Variants in TTC12 observed in about 807,000 individuals in gnomAD.
TTC12 encodes tetratricopeptide repeat protein 12.
A neutral mutation model predicts 90.1 loss-of-function variants in TTC12; 70 were observed. The observed-to-expected ratio is 0.78, with a 90% CI of 0.64 to 0.95. The LOEUF is 0.95. Ranked by LOEUF, TTC12 falls within the 40% of genes least tolerant of loss-of-function variation. The probability of loss-of-function intolerance (pLI) is 0.00; values close to 1 mark genes in which losing one functional copy is unlikely to be tolerated. For synonymous variants in TTC12, 296 were observed against 311.5 expected (o/e 0.95, Z 0.53); for missense variants, 819 against 846.1 (o/e 0.97, Z 0.40).
At chr11:113,365,110 G>C in intron 21 of TTC12, 50 bp downstream of exon 21, 1 of 1,550,760 alleles carries the variant, frequency 6.4e-7, no homozygotes, top group Non-Finnish European at 8.9e-7. Flanking sequence ...AAGAGCAGCT[G>C]AGCTGAGGTG....
intron 12 of TTC12, 74 bp downstream of exon 12, chr11:113,341,999 C>T (rs1948713695): frequency 1.5e-6 from 2 of 1,310,142 alleles, no homozygotes; most frequent in South Asian, 1.2e-5. Context: ...GTGGACTGTC[C>T]TCCCCAAAGG....
chr11:113,355,047 T>G (rs1322025935), intron 16 of TTC12, among the ~76,000 whole-genome samples: 1 of 152,216 alleles, frequency 6.6e-6, no homozygotes, highest in Non-Finnish European at 1.5e-5. Context: ...ACTTCTTCTT[T>G]GTACATCTGG....
chr11:113,316,344 T>G, intron 2 of TTC12, 29 bp downstream of exon 2: 1 of 1,232,864 alleles, frequency 8.1e-7, no homozygotes, highest in South Asian at 2.2e-5. Context: ...TAAATTAATT[T>G]CTGCTTTAGA....
chr11:113,356,617 G>T (rs782066413), intron 16 of TTC12, among the ~76,000 whole-genome samples: 2 of 152,180 alleles, frequency 1.3e-5, no homozygotes, highest in Non-Finnish European at 2.9e-5. Flanking sequence ...TTCTTCAGGA[G>T]CTCTGGTATG....
Position 113,343,544 on chromosome 11 carries a change from G to A in TTC12, c.986-728G>A, listed in dbSNP as rs146217493. Among the ~76,000 whole-genome samples the A allele has an allele frequency of 2.0e-5, 3 of 152,288 alleles. No individual in the cohort carries two copies. In the East Asian group the frequency reaches 5.8e-4, roughly 29 times the overall value. ...TGGTGTGTGTCTTCTACTGGATGCC[G>A]TGTGCTGTGTGTAAATGGGTAATCA... is the stretch of plus-strand genomic sequence containing the variant. On this transcript the variant is annotated intron_variant, in intron 12 of 21. Coordinates refer to ENST00000529221, the MANE Select transcript of TTC12 (RefSeq NM_017868.4).
At chr11:113,351,350 G>A in intron 15 of TTC12, 51 bp downstream of exon 15, 1 of 1,452,712 alleles carries the variant, frequency 6.9e-7, no homozygotes. Flanking sequence ...TCAGGAGCGT[G>A]AATGGGGCTG....
chr11:113,353,082 G>A (rs536909083), intron 16 of TTC12, among the ~76,000 whole-genome samples: 16 of 152,256 alleles, frequency 1.1e-4, no homozygotes, highest in African/African-American at 3.1e-4. Flanking sequence ...TTCACACTCC[G>A]ACCAACAGTG....
intron 16 of TTC12, among the ~76,000 whole-genome samples, chr11:113,355,846 G>A (rs949146100): frequency 6.6e-5 from 10 of 152,100 alleles, no homozygotes; most frequent in African/African-American, 2.4e-4. Flanking sequence ...ATTTGCTAAG[G>A]ACTATTTTAC....
At chr11:113,330,773 T>C (rs1555142384) in intron 7 of TTC12, among the ~76,000 whole-genome samples, 1 of 152,236 alleles carries the variant, frequency 6.6e-6, no homozygotes, top group African/African-American at 2.4e-5. Context: ...AAATTTCTTT[T>C]AAGATGTGTG....
rs1555149500 is a variant in TTC12 at position 113,350,072 on chromosome 11, G to A, written c.1155-1G>A. The A allele has an allele frequency of 6.2e-7, 1 of 1,613,278 alleles. No homozygotes were observed. ...TCTGAGGTTATTATGGTTTTTTGCAGATTATTGGAAGCGCTGGTGTCATTT... is the reference window on the plus strand; with the variant it reads ...TCTGAGGTTATTATGGTTTTTTGCAAATTATTGGAAGCGCTGGTGTCATTT... On this transcript the variant is annotated splice_acceptor_variant, in intron 13 of 21. Coordinates refer to ENST00000529221, the MANE Select transcript of TTC12 (RefSeq NM_017868.4). LOFTEE classifies it high-confidence loss of function.
rs570003721 is a variant in TTC12 at position 113,365,310 on chromosome 11, C to T, written c.2042+250C>T. On this transcript the variant is annotated intron_variant, in intron 21 of 21. Transcript: ENST00000529221. ...GACAGGGACGTGCTGCTCCCACTTGCTGCCGTTGCCTTCTCTCCATTCCAT... is the reference window on the plus strand; with the variant it reads ...GACAGGGACGTGCTGCTCCCACTTGTTGCCGTTGCCTTCTCTCCATTCCAT... Among the ~76,000 whole-genome samples the T allele has an allele frequency of 1.6e-4, 24 of 152,262 alleles. 2 individuals carry two copies. The South Asian group carries it at 5.0e-3, about 32-fold the overall frequency.
chr11:113,362,895 A>T (rs968993915), intron 19 of TTC12, among the ~76,000 whole-genome samples: 9 of 152,054 alleles, frequency 5.9e-5, no homozygotes, highest in African/African-American at 2.2e-4. Context: ...GTTGGATGGA[A>T]CTCCATCTAT....
intron 6 of TTC12, among the ~76,000 whole-genome samples, chr11:113,327,815 GAAA>G (rs1425987396): frequency 6.6e-6 from 1 of 152,176 alleles, no homozygotes; most frequent in East Asian, 1.9e-4. Context: ...AGACCCTGGA[GAAA>G]AGGATGATGC....
intron 7 of TTC12, among the ~76,000 whole-genome samples, chr11:113,332,409 A>G (rs2137962079): frequency 1.3e-5 from 2 of 152,322 alleles, no homozygotes; most frequent in Middle Eastern, 6.8e-3. Context: ...CAAGGCTTTA[A>G]TGCTTGGGGC....
chr11:113,340,687 A>G lies in TTC12; in HGVS notation c.850A>G (p.Met284Val). The G allele has an allele frequency of 6.2e-7, 1 of 1,614,138 alleles. No homozygotes were observed. The highest frequency in any genetic ancestry group is 8.5e-7 in the Non-Finnish European group (1 of 1,179,970). Residue 284 changes from methionine (M) to valine (V), a missense_variant, in exon 11 of 22, where the codon ATG becomes GTG. Met to Val is a conservative substitution (Grantham distance 21, BLOSUM62 1). Coordinates refer to ENST00000529221, the MANE Select transcript of TTC12 (RefSeq NM_017868.4). ...AGGCACAGAACAAACTTTATTCAGA[A>G]TGCACAATGGATTTAGTATCATCAG... ...NECTEQTLFRMHNGFSIISDN... is the reference protein window; with the variant it reads ...NECTEQTLFRVHNGFSIISDN...
intron 17 of TTC12, among the ~76,000 whole-genome samples, 183 bp from the exon 18 acceptor site, chr11:113,359,757 A>C (rs1338791992): frequency 6.6e-6 from 1 of 152,228 alleles, no homozygotes; most frequent in Non-Finnish European, 1.5e-5. Context: ...TATCAGGGTA[A>C]TGCCCTGGAG....
At chr11:113,325,483 T>A in intron 5 of TTC12, 41 bp from the exon 6 acceptor site, 1 of 1,605,756 alleles carries the variant, frequency 6.2e-7, no homozygotes. Context: ...GATTTTCTGA[T>A]GTGTGGTGAG....
chr11:113,355,341 TTC>T (rs1428086555), intron 16 of TTC12, among the ~76,000 whole-genome samples: 87 of 152,260 alleles, frequency 5.7e-4, no homozygotes, highest in African/African-American at 2.0e-3. Context: ...TATTTGCATA[TTC>T]TCTCTTTCCT....
chr11:113,322,273 G>A (rs553054758), intron 2 of TTC12, among the ~76,000 whole-genome samples: 1 of 152,284 alleles, frequency 6.6e-6, no homozygotes, highest in East Asian at 1.9e-4. Flanking sequence ...ACATAATTTA[G>A]AAGGAAGCTG....
Sources: gnomAD v4.1 joint callset for allele counts (sites outside exome capture counted in the v4.1 genomes callset) on GRCh38, gnomAD v4.1.1 for gene constraint, MANE v1.5 for transcripts, NCBI Gene and HGNC (gene_info 2026-07-23, HGNC 2026-07-21) for gene names.